The following PLXDC2 variants were observed in gnomAD, a reference collection of about 807,000 sequenced individuals.
The protein encoded by PLXDC2 is plexin domain containing 2.
A neutral mutation model predicts 68.9 loss-of-function variants in PLXDC2; 40 were observed. That is an observed-to-expected ratio of 0.58 (90% CI 0.45 to 0.76). The LOEUF (loss-of-function observed/expected upper bound fraction) is 0.76. PLXDC2 is among the 30% of genes least tolerant of loss of function. PLXDC2 has a pLI of 0.00. For synonymous variants in PLXDC2, 243 were observed against 234.2 expected (o/e 1.04, Z -0.34); for missense variants, 644 against 661.9 (o/e 0.97, Z 0.30).
intron 13 of PLXDC2, among the ~76,000 whole-genome samples, chr10:20,258,161 C>T (rs1208146895): frequency 6.6e-6 from 1 of 151,834 alleles, no homozygotes; most frequent in African/African-American, 2.4e-5. Flanking sequence ...GCCACCATTC[C>T]CAGCTAATTC....
intron 2 of PLXDC2, among the ~76,000 whole-genome samples, chr10:20,038,252 A>T (rs1175280649): frequency 6.6e-6 from 1 of 151,874 alleles, no homozygotes; most frequent in Non-Finnish European, 1.5e-5. Flanking sequence ...ATAAAAAAAA[A>T]AATTTAAAAA....
intron 1 of PLXDC2, among the ~76,000 whole-genome samples, chr10:19,899,357 T>C (rs953300453): frequency 2.0e-5 from 3 of 152,238 alleles, no homozygotes; most frequent in African/African-American, 7.2e-5. Context: ...AGGTAGTTTA[T>C]GAAGATCAAA....
intron 13 of PLXDC2, among the ~76,000 whole-genome samples, chr10:20,276,225 C>G (rs1157009101): frequency 6.6e-6 from 1 of 152,268 alleles, no homozygotes; most frequent in African/African-American, 2.4e-5. Context: ...AACTTCCTTT[C>G]AAGGGCTCAT....
chr10:20,209,966 ATCT>A (rs1467152715), intron 9 of PLXDC2, among the ~76,000 whole-genome samples: 1 of 152,156 alleles, frequency 6.6e-6, no homozygotes, highest in Non-Finnish European at 1.5e-5. Flanking sequence ...TGTCCATGAA[ATCT>A]TCACAATTCA....
chr10:19,834,329 TAGAGAGAGAGAG>T (rs72293743), intron 1 of PLXDC2, among the ~76,000 whole-genome samples: 1 of 145,224 alleles, frequency 6.9e-6, no homozygotes, highest in Non-Finnish European at 1.5e-5. Flanking sequence ...AAGAGAGAGG[TAGAGAGAGAGAG>T]AGAGAGAGAG....
At chr10:20,087,267 A>G (rs1422266090) in intron 4 of PLXDC2, among the ~76,000 whole-genome samples, 6 of 152,174 alleles carry the variant, frequency 3.9e-5, no homozygotes, top group South Asian at 2.1e-4. Flanking sequence ...CCTCACCTCC[A>G]TACTCTGGCT....
intron 1 of PLXDC2, among the ~76,000 whole-genome samples, chr10:19,989,850 A>G (rs1230629356): frequency 2.6e-5 from 4 of 151,474 alleles, no homozygotes; most frequent in African/African-American, 9.7e-5. Context: ...CCTGGGTTTA[A>G]GCAATTCTCC....
intron 4 of PLXDC2, among the ~76,000 whole-genome samples, chr10:20,105,240 G>C (rs999218618): frequency 2.0e-5 from 3 of 151,924 alleles, no homozygotes; most frequent in Non-Finnish European, 4.4e-5. Flanking sequence ...GCTTCATTCT[G>C]TTCCAGAAAC....
intron 1 of PLXDC2, among the ~76,000 whole-genome samples, chr10:19,962,752 G>A (rs1245929763): frequency 2.7e-5 from 4 of 148,828 alleles, no homozygotes; most frequent in African/African-American, 4.9e-5. Flanking sequence ...TTGGGAGGCC[G>A]AGGCTGGGCG....
At chr10:20,183,503 C>G (rs1834635385) in intron 9 of PLXDC2, among the ~76,000 whole-genome samples, 1 of 151,930 alleles carries the variant, frequency 6.6e-6, no homozygotes. Context: ...GAGGGAGAGA[C>G]ATGAGACTGT....
chr10:19,900,527 A>T (rs977987371), intron 1 of PLXDC2, among the ~76,000 whole-genome samples: 8 of 152,152 alleles, frequency 5.3e-5, no homozygotes, highest in African/African-American at 1.9e-4. Context: ...TGTAGTGGTC[A>T]AAGTTTTTAT....
At chr10:20,005,143 G>A (rs778817857) in intron 2 of PLXDC2, among the ~76,000 whole-genome samples, 54 of 152,188 alleles carry the variant, frequency 3.5e-4, no homozygotes, top group Admixed American at 1.3e-3. Flanking sequence ...TTACAGGGTT[G>A]ATCCTCTAGG....
At chr10:20,044,191 T>TTC (rs201580211) in intron 2 of PLXDC2, among the ~76,000 whole-genome samples, 103 of 127,498 alleles carry the variant, frequency 8.1e-4, no homozygotes, top group Non-Finnish European at 1.2e-3. Flanking sequence ...CTTTCTTTCT[T>TTC]TCTCTCTCTC....
At chr10:19,861,044 C>CT (rs1189918782) in intron 1 of PLXDC2, among the ~76,000 whole-genome samples, 23 of 141,774 alleles carry the variant, frequency 1.6e-4, no homozygotes, top group African/African-American at 5.5e-4. Context: ...TCTGTCTTTT[C>CT]TTTTTTTTGA....
At chr10:20,017,769 T>C (rs560257531) in intron 2 of PLXDC2, among the ~76,000 whole-genome samples, 21 of 152,378 alleles carry the variant, frequency 1.4e-4, no homozygotes, top group African/African-American at 3.8e-4. Context: ...TATTTAAAGA[T>C]GATCACTGCA....
intron 1 of PLXDC2, among the ~76,000 whole-genome samples, chr10:19,855,290 G>T (rs763054341): frequency 5.9e-5 from 9 of 152,138 alleles, no homozygotes; most frequent in Non-Finnish European, 1.2e-4. Context: ...AAAGGCTGGT[G>T]TCATTTCAAA....
At chr10:20,142,492 C>T (rs1433087921) in intron 4 of PLXDC2, among the ~76,000 whole-genome samples, 3 of 152,050 alleles carry the variant, frequency 2.0e-5, no homozygotes, top group Non-Finnish European at 4.4e-5. Flanking sequence ...CATGGATAAT[C>T]CACAAAGTAA....
chr10:19,835,855 G>C (rs1564603988), intron 1 of PLXDC2, among the ~76,000 whole-genome samples: 1 of 152,080 alleles, frequency 6.6e-6, no homozygotes, highest in Non-Finnish European at 1.5e-5. Flanking sequence ...CAGTAAGGTG[G>C]ATGACGTGCC....
chr10:19,878,885 T>C (rs1307476882), intron 1 of PLXDC2, among the ~76,000 whole-genome samples: 1 of 152,202 alleles, frequency 6.6e-6, no homozygotes, highest in African/African-American at 2.4e-5. Context: ...TTAGCCATTT[T>C]GATTTTCAGC....
Sources: gnomAD v4.1 joint callset for allele counts (sites outside exome capture counted in the v4.1 genomes callset) on GRCh38, gnomAD v4.1.1 for gene constraint, MANE v1.5 for transcripts, NCBI Gene and HGNC (gene_info 2026-07-23, HGNC 2026-07-21) for gene names.